PRRX1: variants seen among roughly 807,000 people sequenced by gnomAD.
PRRX1 encodes paired mesoderm homeobox protein 1.
A neutral mutation model predicts 24.0 loss-of-function variants in PRRX1; 8 were observed. The observed-to-expected ratio is 0.33, with a 90% CI of 0.20 to 0.60. PRRX1 has a LOEUF of 0.60. Among genes scored for constraint, PRRX1 ranks in the 20% least tolerant of loss-of-function variants. The pLI is 0.82. For missense variants in PRRX1, 281 were observed against 322.4 expected (o/e 0.87, Z 0.98); for synonymous variants, 160 against 131.7 (o/e 1.22, Z -1.47).
At chr1:170,723,011 A>T (rs1419543016) in intron 2 of PRRX1, among the ~76,000 whole-genome samples, 2 of 152,334 alleles carry the variant, frequency 1.3e-5, no homozygotes, top group East Asian at 3.9e-4. Flanking sequence ...ATTGATGGAC[A>T]AAGAGCTAAT....
chr1:170,697,946 T>A (rs902971879), intron 1 of PRRX1, among the ~76,000 whole-genome samples: 7 of 151,396 alleles, frequency 4.6e-5, no homozygotes, highest in African/African-American at 1.5e-4. Context: ...TAACATAATT[T>A]TTAATACTGC....
At chr1:170,735,048 A>G (rs1384184191) in intron 3 of PRRX1, among the ~76,000 whole-genome samples, 1 of 152,190 alleles carries the variant, frequency 6.6e-6, no homozygotes, top group Non-Finnish European at 1.5e-5. Context: ...GATTTTGCTA[A>G]TCTTAGAAGC....
At chr1:170,733,257 T>G (rs1391976058) in intron 3 of PRRX1, among the ~76,000 whole-genome samples, 3 of 152,154 alleles carry the variant, frequency 2.0e-5, no homozygotes, top group Middle Eastern at 3.2e-3. Flanking sequence ...TAATCGTTAT[T>G]ATAGGAGACA....
At chr1:170,671,942 G>T (rs994972049) in intron 1 of PRRX1, among the ~76,000 whole-genome samples, 1 of 152,164 alleles carries the variant, frequency 6.6e-6, no homozygotes, top group Non-Finnish European at 1.5e-5. Context: ...GAAGTGGCTG[G>T]TATTAGTGAG....
chr1:170,725,369 T>C (rs1655223790), intron 2 of PRRX1, among the ~76,000 whole-genome samples: 1 of 152,234 alleles, frequency 6.6e-6, no homozygotes, highest in African/African-American at 2.4e-5. Flanking sequence ...TCCATTTCCC[T>C]TGAACCCTAC....
intron 1 of PRRX1, among the ~76,000 whole-genome samples, chr1:170,671,330 G>T (rs964310592): frequency 1.3e-5 from 2 of 152,214 alleles, no homozygotes; most frequent in Non-Finnish European, 2.9e-5. Flanking sequence ...ACTGAATGAA[G>T]AATTTTAACG....
At chr1:170,677,546 G>A (rs1042679883) in intron 1 of PRRX1, among the ~76,000 whole-genome samples, 6 of 152,320 alleles carry the variant, frequency 3.9e-5, no homozygotes, top group Admixed American at 3.9e-4. Flanking sequence ...AATGTTGGAG[G>A]CCATTTAGTG....
chr1:170,671,461 G>C (rs1653142269), intron 1 of PRRX1, among the ~76,000 whole-genome samples: 1 of 152,244 alleles, frequency 6.6e-6, no homozygotes, highest in African/African-American at 2.4e-5. Context: ...GCCAGGCGCT[G>C]CTTTCCGCCG....
chr1:170,725,439 T>G (rs1411067686), intron 2 of PRRX1, among the ~76,000 whole-genome samples: 1 of 152,260 alleles, frequency 6.6e-6, no homozygotes, highest in Non-Finnish European at 1.5e-5. Flanking sequence ...TGCCAGCAGT[T>G]TCTTCCTAGA....
chr1:170,676,761 CA>C (rs1653332696), intron 1 of PRRX1, among the ~76,000 whole-genome samples: 1 of 152,024 alleles, frequency 6.6e-6, no homozygotes, highest in Admixed American at 6.6e-5. Flanking sequence ...TGATGTCAAC[CA>C]AATTCCTCTA....
chr1:170,718,795 A>G (rs1654991356), intron 1 of PRRX1, among the ~76,000 whole-genome samples: 3 of 152,166 alleles, frequency 2.0e-5, no homozygotes, highest in African/African-American at 7.2e-5. Context: ...TCACATATAC[A>G]TCACTCCTGA....
At chr1:170,709,607 G>A (rs1158004040) in intron 1 of PRRX1, among the ~76,000 whole-genome samples, 3 of 151,600 alleles carry the variant, frequency 2.0e-5, no homozygotes, top group African/African-American at 4.8e-5. Context: ...TACTTTACTT[G>A]TCAAGTGCTT....
At chr1:170,663,494 T>C (rs1652798069), upstream of PRRX1, 1 of 151,922 alleles carries the variant, frequency 6.6e-6, no homozygotes, top group African/African-American at 2.4e-5. Flanking sequence ...TTTTTTTTAA[T>C]TCTTAATTTT....
At position 170,737,457 on chromosome 1, in the gene PRRX1, C is replaced by G. The variant is rs987486384; in HGVS notation, c.*1271C>G. On this transcript the variant is annotated 3_prime_UTR_variant, in exon 4 of 4. Transcript: ENST00000239461. Reference sequence around the variant, plus strand: ...TTGGAGCCTGAGCTCTGGTGAAATGCTGATACATCTGATCTATCATGGGAA... The same window carrying G: ...TTGGAGCCTGAGCTCTGGTGAAATGGTGATACATCTGATCTATCATGGGAA... 2 of 199,702 alleles carry G rather than the reference C, an allele frequency of 1.0e-5. No homozygotes were observed. The highest frequency in any genetic ancestry group is 4.6e-5 in the African/African-American group (2 of 43,432). The allele number at this position is 199,702 out of a possible 1,614,324, so 12.4% of individuals were successfully genotyped here. A position where few individuals can be genotyped will look rare whatever the true frequency, so the allele number is the denominator to read the frequency against.
At chr1:170,679,584 A>G (rs1482173902) in intron 1 of PRRX1, among the ~76,000 whole-genome samples, 4 of 152,090 alleles carry the variant, frequency 2.6e-5, no homozygotes, top group African/African-American at 9.7e-5. Flanking sequence ...TATTTTCAGT[A>G]GAGACGGGGC....
intron 1 of PRRX1, among the ~76,000 whole-genome samples, chr1:170,711,918 A>G (rs1353174638): frequency 6.6e-6 from 1 of 152,208 alleles, no homozygotes; most frequent in African/African-American, 2.4e-5. Flanking sequence ...TCCTTTTGGA[A>G]TTTACCAAAA....
At chr1:170,710,459 A>G (rs1654710033) in intron 1 of PRRX1, among the ~76,000 whole-genome samples, 1 of 152,196 alleles carries the variant, frequency 6.6e-6, no homozygotes, top group Admixed American at 6.5e-5. Flanking sequence ...TCCAATCCAA[A>G]GCCATTTCCA....
intron 1 of PRRX1, chr1:170,667,310 GCACACACACACACA>G (rs35009775): frequency 6.7e-6 from 1 of 149,848 alleles, no homozygotes; most frequent in African/African-American, 2.5e-5. Context: ...GCGCGCGCGC[GCACACACACACACA>G]CACACACACA....
intron 2 of PRRX1, among the ~76,000 whole-genome samples, chr1:170,721,982 A>T (rs1249100070): frequency 1.3e-5 from 2 of 152,174 alleles, no homozygotes; most frequent in African/African-American, 4.8e-5. Flanking sequence ...ATTTCAAAAA[A>T]AAAAAAATGA....
Sources: allele counts gnomAD v4.1 joint callset (sites outside exome capture counted in the v4.1 genomes callset), GRCh38; gene constraint gnomAD v4.1.1; transcripts MANE v1.5; gene names NCBI Gene and HGNC (gene_info 2026-07-23, HGNC 2026-07-21).